Variants in PYROXD2 observed in about 807,000 individuals in gnomAD.
The protein encoded by PYROXD2 is pyridine nucleotide-disulphide oxidoreductase domain 2.
PYROXD2 carries 69 observed loss-of-function variants against 71.1 expected under a neutral mutation model. That is an observed-to-expected ratio of 0.97 (90% CI 0.80 to 1.19). PYROXD2 has a LOEUF of 1.19. PYROXD2 is among the 50% of genes most tolerant of loss of function. The probability of loss-of-function intolerance (pLI) is 0.00; values close to 1 mark genes in which losing one functional copy is unlikely to be tolerated. For synonymous variants in PYROXD2, 287 were observed against 302.7 expected (o/e 0.95, Z 0.54); for missense variants, 745 against 748.9 (o/e 0.99, Z 0.06).
intron 15 of PYROXD2, 139 bp from the exon 16 acceptor site, chr10:98,384,007 A>C: frequency 1.4e-6 from 1 of 724,112 alleles, no homozygotes; most frequent in Non-Finnish European, 2.4e-6. Flanking sequence ...CACTGGAATC[A>C]CCTAAGACAG....
At chr10:98,387,389 AAC>A in intron 13 of PYROXD2, 82 bp from the exon 14 acceptor site, 1 of 886,156 alleles carries the variant, frequency 1.1e-6, no homozygotes. Context: ...CAAATTTACT[AAC>A]AGTCATTAAA....
chr10:98,392,659 C>T, intron 9 of PYROXD2, 93 bp from the exon 10 acceptor site: 1 of 1,542,902 alleles, frequency 6.5e-7, no homozygotes, highest in Non-Finnish European at 8.7e-7. Flanking sequence ...TGCTCCTAGG[C>T]ATTCACAACT....
At chr10:98,390,910 G>A (rs1245465105) in intron 11 of PYROXD2, 100 bp downstream of exon 11, 50 of 1,342,550 alleles carry the variant, frequency 3.7e-5, no homozygotes, top group South Asian at 1.5e-4. Flanking sequence ...CTGGAGGTCC[G>A]GGAATGGAGA....
At chr10:98,398,737 C>T (rs370229357) in intron 5 of PYROXD2, among the ~76,000 whole-genome samples, 1 of 152,158 alleles carries the variant, frequency 6.6e-6, no homozygotes, top group East Asian at 1.9e-4. Flanking sequence ...TGTGCAGAAT[C>T]CCCTCAAGTG....
intron 6 of PYROXD2, among the ~76,000 whole-genome samples, 177 bp downstream of exon 6, chr10:98,397,168 C>T (rs962504918): frequency 2.6e-5 from 4 of 152,248 alleles, no homozygotes; most frequent in African/African-American, 7.2e-5. Context: ...AAAGGCATAT[C>T]AGCCTAAGAT....
chr10:98,393,190 C>T (rs1371475179), intron 8 of PYROXD2, 107 bp from the exon 9 acceptor site: 7 of 861,202 alleles, frequency 8.1e-6, no homozygotes, highest in Non-Finnish European at 3.5e-6. Flanking sequence ...TTCCCTGCCA[C>T]CATCCAGCCC....
At chr10:98,413,750 T>A (rs938656853) in intron 1 of PYROXD2, among the ~76,000 whole-genome samples, 7 of 152,238 alleles carry the variant, frequency 4.6e-5, no homozygotes, top group African/African-American at 1.7e-4. Flanking sequence ...AAATAAATTT[T>A]AAAAAATAAA....
intron 14 of PYROXD2, among the ~76,000 whole-genome samples, chr10:98,386,203 C>T (rs1842744167): frequency 6.6e-6 from 1 of 151,748 alleles, no homozygotes; most frequent in Non-Finnish European, 1.5e-5. Context: ...ATGGCTTCAG[C>T]CCCAGAGGTC....
At chr10:98,409,032 A>G (rs1003922060) in intron 2 of PYROXD2, among the ~76,000 whole-genome samples, 1 of 152,172 alleles carries the variant, frequency 6.6e-6, no homozygotes, top group Non-Finnish European at 1.5e-5. Flanking sequence ...ATAACCTCCT[A>G]TCATAACCTA....
rs1843081541 is a variant in PYROXD2 at position 98,394,543 on chromosome 10, A to AACACACACAT, written c.785+652_785+653insATGTGTGTGT. ...AACCCTTGGCTGCATTCTCCATCCC[A>AACACACACAT]ACACACACACACACACACACACACA... On this transcript the variant is annotated intron_variant, in intron 8 of 15. Transcript: ENST00000370575. 2.1e-5 allele frequency among the ~76,000 whole-genome samples: 3 copies of AACACACACAT among 141,818 alleles called. No individual in the cohort carries two copies. The South Asian group carries it at 7.1e-4, about 34-fold the overall frequency. The allele number at this position is 141,818 out of a possible 152,430, so 93.0% of individuals were successfully genotyped here. A position where few individuals can be genotyped will look rare whatever the true frequency, so the allele number is the denominator to read the frequency against.
At chr10:98,384,856 C>CT (rs745390668) in intron 15 of PYROXD2, 91 bp downstream of exon 15, 54 of 1,459,720 alleles carry the variant, frequency 3.7e-5, no homozygotes, top group Non-Finnish European at 4.2e-5. Flanking sequence ...TCTCTGCCAC[C>CT]TTCATTGCTT....
chr10:98,392,048 GCTCTTTGTTA>G (rs1335995750), intron 10 of PYROXD2, among the ~76,000 whole-genome samples: 2 of 152,098 alleles, frequency 1.3e-5, no homozygotes, highest in African/African-American at 4.8e-5. Context: ...AAGTATTGTG[GCTCTTTGTTA>G]ATTGATTAAT....
intron 1 of PYROXD2, 162 bp from the exon 2 acceptor site, chr10:98,411,120 G>C: frequency 1.0e-6 from 1 of 953,054 alleles, no homozygotes; most frequent in Non-Finnish European, 1.6e-6. Flanking sequence ...ACAGCATCTA[G>C]TTCAACTCCA....
intron 12 of PYROXD2, among the ~76,000 whole-genome samples, chr10:98,390,391 G>C (rs2274247): frequency 0.43 from 65,512 of 151,880 alleles, 14,841 homozygotes; most frequent in African/African-American, 0.55. Flanking sequence ...GCTAACCTGA[G>C]CCGCTCTTCA....
rs1330739254 is a variant in PYROXD2, at chr10:98,395,215, G to T, written c.766C>A (p.Pro256Thr). ...TDAVIGAMTS[P>T]HTPGSGYVLL... ...ACTCACCCACTCCCCGGAGTGTGGGGACTTGTCATGGCTCCAATCACTGCA... is the reference window on the plus strand; with the variant it reads ...ACTCACCCACTCCCCGGAGTGTGGGTACTTGTCATGGCTCCAATCACTGCA... Residue 256 changes from proline to threonine, a missense_variant, in exon 8 of 16, where the codon CCC becomes ACC. Pro to Thr is a conservative substitution (Grantham distance 38, BLOSUM62 -1). Coordinates refer to ENST00000370575, the MANE Select transcript of PYROXD2 (RefSeq NM_032709.3). 1 of 1,614,110 alleles carries T rather than the reference G, an allele frequency of 6.2e-7. No homozygotes were observed. The highest frequency in any genetic ancestry group is 1.7e-5 in the Admixed American group (1 of 60,024).
chr10:98,395,666 T>C (rs1447794564), intron 6 of PYROXD2, among the ~76,000 whole-genome samples: 1 of 152,202 alleles, frequency 6.6e-6, no homozygotes, highest in Non-Finnish European at 1.5e-5. Context: ...TGAACCTGCT[T>C]CTTTACCTGT....
intron 10 of PYROXD2, 142 bp from the exon 11 acceptor site, chr10:98,391,224 C>T: frequency 1.5e-6 from 1 of 648,242 alleles, no homozygotes; most frequent in South Asian, 1.8e-5. Flanking sequence ...AACCACCTCC[C>T]CTGTGAAGCC....
At chr10:98,388,089 A>C in intron 13 of PYROXD2, 1 of 442,114 alleles carries the variant, frequency 2.3e-6, no homozygotes, top group Non-Finnish European at 4.1e-6. Context: ...GCTGTGCTGT[A>C]ATAAAAGGTT....
At chr10:98,395,119 G>T in intron 8 of PYROXD2, 77 bp downstream of exon 8, 1 of 1,259,158 alleles carries the variant, frequency 7.9e-7, no homozygotes, top group South Asian at 1.2e-5. Flanking sequence ...TGTTGTTGCT[G>T]CCACTGCCAC....
Sources: allele counts gnomAD v4.1 joint callset (sites outside exome capture counted in the v4.1 genomes callset), GRCh38; gene constraint gnomAD v4.1.1; transcripts MANE v1.5; gene names NCBI Gene and HGNC (gene_info 2026-07-23, HGNC 2026-07-21).